Variants in CEP128 observed in about 807,000 individuals in gnomAD.
CEP128 encodes centrosomal protein 128.
Under a neutral mutation model 156.7 loss-of-function variants are expected in CEP128, and 132 were observed. That is an observed-to-expected ratio of 0.84 (90% confidence interval 0.73 to 0.97). The LOEUF is 0.97. Ranked by LOEUF, CEP128 falls within the 50% of genes least tolerant of loss-of-function variation. CEP128 has a pLI of 0.00. For missense variants in CEP128, 1,252 were observed against 1,281.9 expected (o/e 0.98, Z 0.36); for synonymous variants, 469 against 448.9 (o/e 1.04, Z -0.57).
At position 80,646,904 on chromosome 14, in the gene CEP128, T is replaced by C. The variant is rs146232932; in HGVS notation, c.2807-66481A>G. Reference sequence around the variant, plus strand: ...AAACTGAAATGAACATTCAGATATATAAATCTTTCACACTTTAAAAAATGT... The same window carrying C: ...AAACTGAAATGAACATTCAGATATACAAATCTTTCACACTTTAAAAAATGT... On this transcript the variant is annotated intron_variant, in intron 19 of 24. Transcript: ENST00000555265. Among the ~76,000 whole-genome samples, 1,181 of 150,634 alleles carry C rather than the reference T, an allele frequency of 7.8e-3. 8 individuals carry two copies. Among genetic ancestry groups the C allele is most frequent in the Non-Finnish European group, 0.011 (777 of 67,666 alleles).
chr14:80,563,127 A>C (rs962002347), intron 20 of CEP128, among the ~76,000 whole-genome samples: 1 of 151,986 alleles, frequency 6.6e-6, no homozygotes, highest in Non-Finnish European at 1.5e-5. Context: ...TTAATCTATA[A>C]TTTTCATTTA....
At position 80,810,323 on chromosome 14, in the gene CEP128, C is replaced by CAAAAAAAAAAAAAA. The variant is rs71103883; in HGVS notation, c.1210-17227_1210-17214dup. Among the ~76,000 whole-genome samples, 51 of 15,186 alleles carry CAAAAAAAAAAAAAA rather than the reference C, an allele frequency of 3.4e-3. 1 individual carries two copies. The highest frequency in any genetic ancestry group is 4.2e-3 in the Non-Finnish European group (32 of 7,582). 10.0% of individuals were successfully genotyped at this position (15,186 alleles called of 152,430 possible). Reference sequence around the variant, plus strand: ...GGGCGACAGAGCAAGACTCCATCTCCAAAAAAAAAAAAAAAAAAAAAAAAA... The same window carrying CAAAAAAAAAAAAAA: ...GGGCGACAGAGCAAGACTCCATCTCCAAAAAAAAAAAAAAAAAAAAAAAAAAAAAAAAAAAAAAA... On this transcript the variant is annotated intron_variant, in intron 13 of 24. Transcript: ENST00000555265.
At chr14:80,668,085 TG>T (rs1895698441) in intron 19 of CEP128, among the ~76,000 whole-genome samples, 1 of 152,164 alleles carries the variant, frequency 6.6e-6, no homozygotes, top group Non-Finnish European at 1.5e-5. Flanking sequence ...GCATTTTACG[TG>T]AAGTAACACA....
At chr14:80,489,826 C>T (rs12895468), downstream of CEP128, among the ~76,000 whole-genome samples, 36,400 of 151,254 alleles carry the variant, frequency 0.24, 5,404 homozygotes, top group Admixed American at 0.36. Context: ...ACCACACTTA[C>T]CACCTCCTGA....
intron 19 of CEP128, among the ~76,000 whole-genome samples, chr14:80,636,304 C>T (rs1894178166): frequency 6.6e-6 from 1 of 152,202 alleles, no homozygotes. Flanking sequence ...GCCTAAAATT[C>T]ATTCCCTGCG....
intron 21 of CEP128, among the ~76,000 whole-genome samples, chr14:80,550,812 TAA>T (rs35063739): frequency 0.27 from 36,359 of 137,054 alleles, 5,531 homozygotes; most frequent in African/African-American, 0.43. Flanking sequence ...ATGTGAAATG[TAA>T]AAAAAAAAAA....
At chr14:80,755,465 T>C (rs946176637) in intron 18 of CEP128, among the ~76,000 whole-genome samples, 14 of 152,200 alleles carry the variant, frequency 9.2e-5, no homozygotes, top group African/African-American at 3.1e-4. Context: ...CAACTCTCAA[T>C]TGGACTTCAT....
Position 80,785,040 on chromosome 14 carries a change from T to A in CEP128, c.2066A>T (p.Glu689Val), listed in dbSNP as rs760590730. 6.2e-7 allele frequency: 1 copy of A among 1,614,226 alleles called. No homozygotes were observed. The highest frequency in any genetic ancestry group is 8.5e-7 in the Non-Finnish European group (1 of 1,180,018). Residue 689 changes from glutamate to valine, a missense_variant, in exon 15 of 25, where the codon GAA (glutamate) becomes GTA (valine). Coordinates refer to ENST00000555265, the MANE Select transcript of CEP128 (RefSeq NM_152446.5). ...CAGCTCCCTCTGGTGCACATCTCGT[T>A]CCAGCTTTAACTGTGTGATGATTGT... ...TATIITQLKL[E>V]RDVHQRELKD...
At chr14:80,958,757 G>T (rs1016158213) in intron 1 of CEP128, among the ~76,000 whole-genome samples, 1 of 152,042 alleles carries the variant, frequency 6.6e-6, no homozygotes, top group African/African-American at 2.4e-5. Context: ...CGTTCTGGGT[G>T]GTGACCTCTT....
At position 80,706,661 on chromosome 14, in the gene CEP128, A is replaced by G. The variant is rs561410223; in HGVS notation, c.2806+36414T>C. ...TCAGCTTGGGGTTCACTCAGCTTCT[A>G]TGATCTCTAGTTTTGTGTCTTTTAC... is the stretch of plus-strand genomic sequence containing the variant. On this transcript the variant is annotated intron_variant, in intron 19 of 24. Transcript: ENST00000555265. 2.6e-5 allele frequency among the ~76,000 whole-genome samples: 4 copies of G among 152,206 alleles called. No individual in the cohort carries two copies. In the South Asian group the frequency reaches 8.3e-4, roughly 32 times the overall value.
chr14:80,678,164 T>C (rs566787264), intron 19 of CEP128, among the ~76,000 whole-genome samples: 2 of 151,616 alleles, frequency 1.3e-5, no homozygotes, highest in East Asian at 3.9e-4. Context: ...CTGAGAGCCC[T>C]CATTTCAATT....
chr14:80,746,692 T>C (rs1343449610), intron 18 of CEP128, among the ~76,000 whole-genome samples: 1 of 152,212 alleles, frequency 6.6e-6, no homozygotes, highest in Non-Finnish European at 1.5e-5. Flanking sequence ...AATAGCTTCC[T>C]AGGTGTAACA....
At chr14:80,523,132 T>C (rs56168405) in intron 23 of CEP128, among the ~76,000 whole-genome samples, 1,537 of 152,328 alleles carry the variant, frequency 0.01, 10 homozygotes, top group Non-Finnish European at 0.017. Flanking sequence ...AGTGTGGTCA[T>C]GTTGGATGTT....
intron 19 of CEP128, among the ~76,000 whole-genome samples, chr14:80,587,685 C>A (rs569462671): frequency 2.6e-5 from 4 of 152,212 alleles, no homozygotes; most frequent in African/African-American, 9.6e-5. Flanking sequence ...CTATTGGTAA[C>A]ATGAGCAGAG....
chr14:80,848,263 G>A (rs1375269316), intron 9 of CEP128, among the ~76,000 whole-genome samples: 2 of 152,178 alleles, frequency 1.3e-5, no homozygotes, highest in African/African-American at 4.8e-5. Context: ...CTAGCTGTGG[G>A]AACAGAAAGT....
At chr14:80,871,506 T>C (rs554682078) in intron 8 of CEP128, among the ~76,000 whole-genome samples, 3 of 152,142 alleles carry the variant, frequency 2.0e-5, no homozygotes, top group Non-Finnish European at 4.4e-5. Context: ...TATGATGCCA[T>C]TTCCTGAGAC....
intron 2 of CEP128, among the ~76,000 whole-genome samples, chr14:80,949,608 C>T (rs937178146): frequency 2.6e-5 from 4 of 152,056 alleles, no homozygotes; most frequent in South Asian, 2.1e-4. Flanking sequence ...GGTATTGCCT[C>T]GGGAATGAGG....
chr14:80,592,080 A>T (rs1160476721), intron 19 of CEP128, among the ~76,000 whole-genome samples: 2 of 152,200 alleles, frequency 1.3e-5, no homozygotes, highest in Non-Finnish European at 2.9e-5. Context: ...ACACCCTAAG[A>T]TCACAATTAA....
At chr14:80,940,353 A>T (rs1886076312) in intron 1 of CEP128, among the ~76,000 whole-genome samples, 1 of 152,178 alleles carries the variant, frequency 6.6e-6, no homozygotes. Context: ...AACCAAATTT[A>T]TGTGTGCCAA....
Sources: allele counts gnomAD v4.1 joint callset (sites outside exome capture counted in the v4.1 genomes callset), GRCh38; gene constraint gnomAD v4.1.1; transcripts MANE v1.5; gene names NCBI Gene and HGNC (gene_info 2026-07-23, HGNC 2026-07-21).